The following SLC22A2 variants were observed in gnomAD, a reference collection of about 807,000 sequenced individuals.
The protein encoded by SLC22A2 is solute carrier family 22 member 2, also known as organic cation transporter 2.
SLC22A2 carries 46 observed loss-of-function variants against 60.5 expected under a neutral mutation model. The observed-to-expected ratio is 0.76, with a 90% CI of 0.60 to 0.97. The LOEUF (loss-of-function observed/expected upper bound fraction) is 0.97. Ranked by LOEUF, SLC22A2 falls within the 50% of genes least tolerant of loss-of-function variation. SLC22A2 has a pLI of 0.00. For synonymous variants in SLC22A2, 303 were observed against 267.0 expected (o/e 1.13, Z -1.31); for missense variants, 701 against 706.6 (o/e 0.99, Z 0.09).
chr6:160,232,949 G>A (rs315980), intron 9 of SLC22A2, among the ~76,000 whole-genome samples: 106,370 of 149,966 alleles, frequency 0.71, 39,312 homozygotes, highest in Admixed American at 0.82. Flanking sequence ...TCATCATTTC[G>A]TAGTCTCTTC....
intron 3 of SLC22A2, 61 bp downstream of exon 3, chr6:160,250,487 T>C (rs1323992223): frequency 6.4e-7 from 1 of 1,557,822 alleles, no homozygotes; most frequent in African/African-American, 1.4e-5. Context: ...GCCCCCCACC[T>C]GACTCTATTT....
intron 9 of SLC22A2, among the ~76,000 whole-genome samples, chr6:160,232,681 T>C (rs1368882574): frequency 2.6e-5 from 4 of 151,908 alleles, no homozygotes; most frequent in East Asian, 1.9e-4. Context: ...ACAATGCTTA[T>C]GCTCATAAGG....
At chr6:160,227,935 T>G (rs1309479677) in intron 9 of SLC22A2, among the ~76,000 whole-genome samples, 1 of 152,224 alleles carries the variant, frequency 6.6e-6, no homozygotes, top group Non-Finnish European at 1.5e-5. Context: ...AGTTTACAAA[T>G]GCCATGGCAA....
At chr6:160,247,099 C>T in intron 5 of SLC22A2, 85 bp downstream of exon 5, 1 of 818,598 alleles carries the variant, frequency 1.2e-6, no homozygotes, top group Non-Finnish European at 2.1e-6. Context: ...CCATGGTTCC[C>T]TGCTGAGATC....
intron 9 of SLC22A2, among the ~76,000 whole-genome samples, chr6:160,228,246 G>T (rs550049077): frequency 4.6e-5 from 7 of 152,288 alleles, no homozygotes; most frequent in African/African-American, 1.7e-4. Context: ...GGATACTGAG[G>T]AGACCTCCCC....
intron 9 of SLC22A2, among the ~76,000 whole-genome samples, chr6:160,226,414 G>C (rs1782724100): frequency 6.6e-6 from 1 of 152,184 alleles, no homozygotes; most frequent in South Asian, 2.1e-4. Flanking sequence ...TGGAGAAATT[G>C]ACTGTCTAGG....
At chr6:160,219,682 T>G (rs2928034) in intron 10 of SLC22A2, among the ~76,000 whole-genome samples, 114,028 of 151,224 alleles carry the variant, frequency 0.75, 43,551 homozygotes, top group Admixed American at 0.83. Flanking sequence ...TTCAATGAGG[T>G]AATACAGGCA....
chr6:160,243,878 T>C, intron 6 of SLC22A2, 92 bp from the exon 7 acceptor site: 1 of 828,254 alleles, frequency 1.2e-6, no homozygotes, highest in East Asian at 2.6e-5. Context: ...GGATTGTAGG[T>C]CACCTTTCCC....
intron 9 of SLC22A2, among the ~76,000 whole-genome samples, chr6:160,232,652 C>T (rs140010474): frequency 0.01 from 1,566 of 151,886 alleles, 59 homozygotes; most frequent in African/African-American, 0.036. Flanking sequence ...TCAAAAGGCA[C>T]CAGATCCCAT....
chr6:160,239,799 A>T (rs1169849960), intron 9 of SLC22A2, among the ~76,000 whole-genome samples: 1 of 152,214 alleles, frequency 6.6e-6, no homozygotes, highest in Non-Finnish European at 1.5e-5. Flanking sequence ...GTGCTCTGTC[A>T]ACTTTGGCCA....
chr6:160,237,391 G>GGTT (rs1422606579), intron 9 of SLC22A2, among the ~76,000 whole-genome samples: 1 of 152,060 alleles, frequency 6.6e-6, no homozygotes, highest in Non-Finnish European at 1.5e-5. Flanking sequence ...ATACACAAAG[G>GGTT]GTTGTGCAGG....
At chr6:160,251,519 C>G (rs1783186161) in intron 2 of SLC22A2, among the ~76,000 whole-genome samples, 1 of 152,136 alleles carries the variant, frequency 6.6e-6, no homozygotes, top group Non-Finnish European at 1.5e-5. Flanking sequence ...CGACCCCTTC[C>G]TTCCTTTTTT....
At position 160,258,655 on chromosome 6, in the gene SLC22A2, G is replaced by A; in HGVS notation, c.103C>T (p.Pro35Ser). The A allele has an allele frequency of 2.5e-6, 4 of 1,613,792 alleles. No individual in the cohort carries two copies. Among genetic ancestry groups the A allele is most frequent in the Non-Finnish European group, 3.4e-6 (4 of 1,179,880 alleles). The change falls in exon 1 of 11, where the codon CCC (proline) becomes TCC (serine). Residue 35 changes from proline to serine, a missense_variant. Physicochemically the swap from Pro to Ser is moderately conservative, Grantham distance 74. Coordinates refer to ENST00000366953, the MANE Select transcript of SLC22A2 (RefSeq NM_003058.4). The part of the protein sequence containing the change: ...LLALLSATFA[P>S]IYVGIVFLGF... ...AGGAAGACGATGCCCACGTAGATGGGCGCGAAGGTAGCCGAGAGCAGAGCC... is the reference window on the plus strand; with the variant it reads ...AGGAAGACGATGCCCACGTAGATGGACGCGAAGGTAGCCGAGAGCAGAGCC...
chr6:160,241,432 A>G (rs1311965331), intron 9 of SLC22A2, 42 bp downstream of exon 9: 2 of 1,322,480 alleles, frequency 1.5e-6, no homozygotes, highest in Non-Finnish European at 1.1e-6. Flanking sequence ...GGTCTCTAGA[A>G]AAATAAGTTT....
At chr6:160,223,749 C>T (rs112388619) in intron 10 of SLC22A2, among the ~76,000 whole-genome samples, 2 of 151,986 alleles carry the variant, frequency 1.3e-5, no homozygotes, top group African/African-American at 4.8e-5. Flanking sequence ...TTTTTTGAGA[C>T]AAGAGTATTG....
At chr6:160,231,585 C>CA (rs1782824794) in intron 9 of SLC22A2, among the ~76,000 whole-genome samples, 1 of 151,988 alleles carries the variant, frequency 6.6e-6, no homozygotes, top group African/African-American at 2.4e-5. Context: ...ACAATACCCC[C>CA]ATCTTACCTG....
rs1783313764 is a variant in SLC22A2 at position 160,258,456 on chromosome 6, A to C, written c.302T>G (p.Phe101Cys). 1.2e-6 allele frequency: 2 copies of C among 1,614,012 alleles called. No homozygotes were observed. Among genetic ancestry groups the C allele is most frequent in the African/African-American group, 1.3e-5 (1 of 74,932 alleles). The change falls in exon 1 of 11, where the codon TTC (phenylalanine) becomes TGC (cysteine). Residue 101 changes from phenylalanine to cysteine, a missense_variant. Transcript: ENST00000366953. The part of the protein sequence containing the change: ...RYEVDWNQST[F>C]DCVDPLASLD... Reference sequence around the variant, plus strand: ...GCTGGCCAGGGGGTCCACGCAGTCGAAGGTGCTCTGGTTCCAGTCCACCTC... The same window carrying C: ...GCTGGCCAGGGGGTCCACGCAGTCGCAGGTGCTCTGGTTCCAGTCCACCTC...
chr6:160,237,406 G>T (rs1266711455), intron 9 of SLC22A2, among the ~76,000 whole-genome samples: 1 of 152,116 alleles, frequency 6.6e-6, no homozygotes, highest in Non-Finnish European at 1.5e-5. Context: ...TGCAGGATAA[G>T]CTTACCAAAT....
chr6:160,245,295 G>A (rs1048183933), intron 6 of SLC22A2, 144 bp downstream of exon 6: 1 of 513,450 alleles, frequency 1.9e-6, no homozygotes, highest in Non-Finnish European at 3.4e-6. Context: ...AACACGATCA[G>A]GAAAACCTAC....
Sources: gnomAD v4.1 joint callset for allele counts (sites outside exome capture counted in the v4.1 genomes callset) on GRCh38, gnomAD v4.1.1 for gene constraint, MANE v1.5 for transcripts, NCBI Gene and HGNC (gene_info 2026-07-23, HGNC 2026-07-21) for gene names.